The following SCOC variants were observed in gnomAD, a reference collection of about 807,000 sequenced individuals.
SCOC encodes short coiled-coil protein.
In SCOC, 7 loss-of-function variants were observed where a neutral mutation model predicts 9.9. The ratio of observed to expected loss-of-function variants is 0.71; its 90% CI spans 0.40 to 1.33. SCOC has a LOEUF of 1.33. Ranked by LOEUF, SCOC falls within the 40% of genes most tolerant of loss-of-function variation. The pLI, the probability that SCOC is intolerant of heterozygous loss-of-function variation, is 0.01. For synonymous variants in SCOC, 19 were observed against 28.2 expected (o/e 0.67, Z 1.03); for missense variants, 66 against 89.7 (o/e 0.74, Z 1.07).
chr4:140,375,764 C>A (rs770868994), intron 1 of SCOC, among the ~76,000 whole-genome samples: 22 of 152,178 alleles, frequency 1.4e-4, no homozygotes, highest in Admixed American at 3.3e-4. Flanking sequence ...CTTCCACTAA[C>A]CAAGGCTAGA....
chr4:140,287,270 T>C (rs1345698151), intron 1 of SCOC, among the ~76,000 whole-genome samples: 3 of 148,968 alleles, frequency 2.0e-5, no homozygotes, highest in Non-Finnish European at 3.0e-5. Flanking sequence ...GCGCAAATCA[T>C]GTGCACATGC....
chr4:140,325,630 A>G (rs1732622464), intron 1 of SCOC, among the ~76,000 whole-genome samples: 1 of 152,208 alleles, frequency 6.6e-6, no homozygotes, highest in Admixed American at 6.5e-5. Flanking sequence ...GAAAACCATA[A>G]TGTGATAGCA....
intron 1 of SCOC, among the ~76,000 whole-genome samples, chr4:140,293,110 C>G (rs1380179368): frequency 6.6e-6 from 1 of 152,220 alleles, no homozygotes; most frequent in East Asian, 1.9e-4. Flanking sequence ...CTCCACTGTA[C>G]GTGTAGCTCA....
chr4:140,361,821 T>C (rs1727483009), intron 2 of SCOC, among the ~76,000 whole-genome samples: 1 of 152,166 alleles, frequency 6.6e-6, no homozygotes, highest in South Asian at 2.1e-4. Context: ...GAGGACTACA[T>C]CTATTTTCTC....
chr4:140,381,638 A>G lies in SCOC; in HGVS notation c.*534A>G, dbSNP rs1728576365. ...GTATTTTAATTGTTGAAACTTAACC[A>G]AAATAAGATACTGTCTCAGCTAGGG... On this transcript the variant is annotated 3_prime_UTR_variant, in exon 4 of 4. Transcript: ENST00000608372. 1 of 152,254 alleles carries G rather than the reference A, an allele frequency of 6.6e-6. No homozygotes were observed. The highest frequency in any genetic ancestry group is 2.4e-5 in the African/African-American group (1 of 41,464). 9.4% of individuals were successfully genotyped at this position (152,254 alleles called of 1,614,324 possible).
chr4:140,362,994 A>T (rs1484059349), intron 2 of SCOC, among the ~76,000 whole-genome samples: 1 of 152,180 alleles, frequency 6.6e-6, no homozygotes. Flanking sequence ...TTCAGAGAGC[A>T]ACTTTAAGGG....
intron 1 of SCOC, among the ~76,000 whole-genome samples, chr4:140,292,940 G>T (rs1312179200): frequency 6.6e-6 from 1 of 152,204 alleles, no homozygotes; most frequent in Non-Finnish European, 1.5e-5. Context: ...TGGCAGCTCA[G>T]CTGTGTCTGC....
At chr4:140,287,484 CCA>C (rs1731322249) in intron 1 of SCOC, among the ~76,000 whole-genome samples, 1 of 151,784 alleles carries the variant, frequency 6.6e-6, no homozygotes. Context: ...TGTGCACATG[CCA>C]CATAGACCAT....
chr4:140,327,738 C>G (rs1560702920), intron 1 of SCOC, among the ~76,000 whole-genome samples: 1 of 152,176 alleles, frequency 6.6e-6, no homozygotes, highest in Non-Finnish European at 1.5e-5. Context: ...TGGAGTAATC[C>G]AACACTTTGC....
At chr4:140,373,371 T>A, upstream of SCOC, 1 of 1,447,354 alleles carries the variant, frequency 6.9e-7, no homozygotes, top group Non-Finnish European at 9.1e-7. Flanking sequence ...GATGAGCCGC[T>A]TCACCAGCGC....
At chr4:140,302,060 C>T (rs1355211400) in intron 1 of SCOC, among the ~76,000 whole-genome samples, 1 of 152,178 alleles carries the variant, frequency 6.6e-6, no homozygotes, top group Non-Finnish European at 1.5e-5. Flanking sequence ...TCTCAAACTC[C>T]TGGGCTCAAG....
chr4:140,324,082 A>C (rs1282187325), intron 1 of SCOC, among the ~76,000 whole-genome samples: 3 of 152,208 alleles, frequency 2.0e-5, no homozygotes, highest in African/African-American at 7.2e-5. Context: ...TTAAAAAATC[A>C]ATCAATGTAA....
intron 1 of SCOC, among the ~76,000 whole-genome samples, chr4:140,267,969 C>T (rs1730767406): frequency 6.6e-6 from 1 of 152,174 alleles, no homozygotes; most frequent in South Asian, 2.1e-4. Flanking sequence ...CTGGGGACGC[C>T]TTGCTGAAAG....
At chr4:140,344,928 C>T (rs963883718) in intron 2 of SCOC, among the ~76,000 whole-genome samples, 7 of 152,126 alleles carry the variant, frequency 4.6e-5, no homozygotes, top group Admixed American at 2.6e-4. Flanking sequence ...TGGGCTGAGC[C>T]TGAAAGTGGG....
intron 1 of SCOC, among the ~76,000 whole-genome samples, chr4:140,272,521 A>T (rs1448872071): frequency 6.6e-6 from 1 of 152,184 alleles, no homozygotes; most frequent in East Asian, 1.9e-4. Flanking sequence ...TCAGTTAATA[A>T]CAGAGCAGCC....
intron 2 of SCOC, among the ~76,000 whole-genome samples, chr4:140,344,241 T>C (rs1169522013): frequency 6.6e-6 from 1 of 152,162 alleles, no homozygotes; most frequent in Non-Finnish European, 1.5e-5. Context: ...TTCAACATCT[T>C]GGAAAAAATA....
At chr4:140,358,987 C>T (rs952323672) in intron 2 of SCOC, among the ~76,000 whole-genome samples, 7 of 152,288 alleles carry the variant, frequency 4.6e-5, no homozygotes, top group Admixed American at 2.6e-4. Flanking sequence ...ATGTATATAA[C>T]ATATTTTGCA....
intron 1 of SCOC, among the ~76,000 whole-genome samples, chr4:140,268,778 C>G (rs1444904270): frequency 6.6e-6 from 1 of 152,106 alleles, no homozygotes; most frequent in Non-Finnish European, 1.5e-5. Flanking sequence ...TCTCCCATCC[C>G]AACACTGGAG....
intron 1 of SCOC, among the ~76,000 whole-genome samples, chr4:140,295,930 C>CAAA (rs1203213131): frequency 0.013 from 669 of 52,822 alleles, 20 homozygotes; most frequent in Admixed American, 0.035. Context: ...GACTCCGTCT[C>CAAA]AAAAAAAAAA....
Sources: gnomAD v4.1 joint callset for allele counts (sites outside exome capture counted in the v4.1 genomes callset) on GRCh38, gnomAD v4.1.1 for gene constraint, MANE v1.5 for transcripts, NCBI Gene and HGNC (gene_info 2026-07-23, HGNC 2026-07-21) for gene names.